Variants in PCNX1 observed in about 807,000 individuals in gnomAD.
The protein encoded by PCNX1 is pecanex-like protein 1.
A neutral mutation model predicts 242.2 loss-of-function variants in PCNX1; 78 were observed. The ratio of observed to expected loss-of-function variants is 0.32; its 90% CI spans 0.27 to 0.39. The LOEUF (loss-of-function observed/expected upper bound fraction) is 0.39. Ranked by LOEUF, PCNX1 falls within the 10% of genes least tolerant of loss-of-function variation. The pLI, the probability that PCNX1 is intolerant of heterozygous loss-of-function variation, is 1.00. For synonymous variants in PCNX1, 1,024 were observed against 1,032.9 expected (o/e 0.99, Z 0.17); for missense variants, 2,581 against 2,856.5 (o/e 0.90, Z 2.20).
chr14:70,995,635 G>GA (rs113017622), intron 7 of PCNX1, 106 bp from the exon 8 acceptor site: 18 of 928,176 alleles, frequency 1.9e-5, no homozygotes, highest in African/African-American at 1.5e-4. Flanking sequence ...AGGTTATGTT[G>GA]AAAAAAAGTG....
intron 11 of PCNX1, among the ~76,000 whole-genome samples, chr14:71,018,530 G>C (rs2060016230): frequency 6.6e-6 from 1 of 152,144 alleles, no homozygotes; most frequent in African/African-American, 2.4e-5. Context: ...AGATGACTGA[G>C]AGATGGGGGA....
chr14:70,944,271 C>T (rs1284536955), intron 1 of PCNX1, among the ~76,000 whole-genome samples: 1 of 152,210 alleles, frequency 6.6e-6, no homozygotes, highest in African/African-American at 2.4e-5. Context: ...CCTGCAAAGC[C>T]ACAGGGATGG....
chr14:70,907,939 T>A lies in PCNX1; in HGVS notation c.89T>A (p.Phe30Tyr). ...GWYYDPHQAT[F>Y]VNALHLYLWL... is the part of the protein sequence containing the mutation. ...TACTACGACCCGCACCAGGCCACCT[T>A]CGTGAACGCGCTGCACCTCTACCTG... Residue 30 changes from phenylalanine to tyrosine, a missense_variant, in exon 1 of 36, where the codon TTC becomes TAC. Physicochemically the swap from Phe to Tyr is conservative, Grantham distance 22. This residue lies in a region of PCNX1 where 1,204 missense variants were observed against 1,216.7 expected (regional missense o/e 0.99). Coordinates refer to ENST00000304743, the MANE Select transcript of PCNX1 (RefSeq NM_014982.3). 1.9e-6 allele frequency: 3 copies of A among 1,597,164 alleles called. No individual in the cohort carries two copies. The highest frequency in any genetic ancestry group is 2.6e-6 in the Non-Finnish European group (3 of 1,173,278).
intron 1 of PCNX1, among the ~76,000 whole-genome samples, chr14:70,928,820 C>G (rs1330081539): frequency 1.3e-5 from 2 of 152,192 alleles, no homozygotes; most frequent in African/African-American, 4.8e-5. Flanking sequence ...AATATGCATA[C>G]ATACCTCTAC....
chr14:71,035,928 TC>T (rs2060518217), intron 18 of PCNX1, 136 bp from the exon 19 acceptor site: 1 of 576,684 alleles, frequency 1.7e-6, no homozygotes, highest in African/African-American at 1.9e-5. Flanking sequence ...AATGAAAACT[TC>T]TTTTTTTTTT....
At chr14:71,003,111 C>A (rs1203594746) in intron 8 of PCNX1, among the ~76,000 whole-genome samples, 2 of 88,718 alleles carry the variant, frequency 2.3e-5, no homozygotes, top group Non-Finnish European at 1.9e-5. Flanking sequence ...GAGACAGAGT[C>A]TCACTCTTGT....
Position 70,978,554 on chromosome 14 carries a change from G to A in PCNX1, c.2217G>A (p.Arg739=), listed in dbSNP as rs962023973. The stretch of plus-strand genomic sequence containing the variant: ...TAGATGAGCTATCTTTATTAGGACG[G>A]GCTTCCCAGTTAGAGACAGTCACTC... ...EVLDELSLLG[R]ASQLETVTRS... The change falls in exon 6 of 36, where the codon CGG becomes CGA. Residue 739 remains arginine (R), a synonymous_variant. Coordinates refer to ENST00000304743, the MANE Select transcript of PCNX1 (RefSeq NM_014982.3). 3 of 1,614,066 alleles carry A rather than the reference G, an allele frequency of 1.9e-6. No individual in the cohort carries two copies. The highest frequency in any genetic ancestry group is 1.7e-6 in the Non-Finnish European group (2 of 1,179,984).
chr14:71,022,784 ATTG>A lies in PCNX1; in HGVS notation c.3151-410_3151-408del, dbSNP rs2060139100. Among the ~76,000 whole-genome samples, 3 of 152,132 alleles carry A rather than the reference ATTG, an allele frequency of 2.0e-5. 1 individual carries two copies. In the South Asian group the frequency reaches 6.2e-4, roughly 31 times the overall value. ...CTTGGAATTTATGGGCAGAACTAGA[ATTG>A]TTGTTATAAGTGAACCCCTATTATT... On this transcript the variant is annotated intron_variant, in intron 12 of 35. Coordinates refer to ENST00000304743, the MANE Select transcript of PCNX1 (RefSeq NM_014982.3).
chr14:70,964,914 C>T (rs2058331733), intron 3 of PCNX1, among the ~76,000 whole-genome samples: 1 of 152,138 alleles, frequency 6.6e-6, no homozygotes, highest in Admixed American at 6.5e-5. Context: ...ATTATTCTTA[C>T]ACTTTAGAGA....
rs778896680 is a variant in PCNX1 at position 70,977,178 on chromosome 14, C to T, written c.841C>T (p.Arg281Ter). Reference sequence around the variant, plus strand: ...CTCTTATAGAAAAGACCACCGGCCGCGAGGTGTACCACGGACTTCTAGCTC... The same window carrying T: ...CTCTTATAGAAAAGACCACCGGCCGTGAGGTGTACCACGGACTTCTAGCTC... Reference protein sequence around the residue: ...SHSYRKDHRPRGVPRTSSSAV... With the variant: ...SHSYRKDHRP Residue 281 changes from arginine to a stop codon, truncating the protein, a stop_gained, in exon 6 of 36, where the codon CGA becomes TGA. Coordinates refer to ENST00000304743, the MANE Select transcript of PCNX1 (RefSeq NM_014982.3). LOFTEE classifies it high-confidence loss of function. The T allele has an allele frequency of 1.9e-6, 3 of 1,614,156 alleles. No individual in the cohort carries two copies. The highest frequency in any genetic ancestry group is 1.1e-5 in the South Asian group (1 of 91,076).
intron 10 of PCNX1, 84 bp downstream of exon 10, chr14:71,011,633 A>G (rs2059823591): frequency 7.2e-6 from 6 of 832,866 alleles, no homozygotes; most frequent in African/African-American, 1.7e-5. Context: ...TATAAAAGCC[A>G]TAAAAATTGA....
chr14:71,037,755 C>T (rs2060583891), intron 19 of PCNX1, among the ~76,000 whole-genome samples: 1 of 151,302 alleles, frequency 6.6e-6, no homozygotes, highest in Non-Finnish European at 1.5e-5. Flanking sequence ...AAAAAGAGCC[C>T]GCATCGCCAA....
rs2058722549 is a variant in PCNX1 at position 70,977,591 on chromosome 14, G to A, written c.1254G>A (p.Glu418=). 4.3e-6 allele frequency: 7 copies of A among 1,614,042 alleles called. No individual in the cohort carries two copies. Among genetic ancestry groups the A allele is most frequent in the Non-Finnish European group, 5.9e-6 (7 of 1,180,046 alleles). Residue 418 remains glutamate (E), a synonymous_variant, in exon 6 of 36, where the codon GAG becomes GAA. Transcript: ENST00000304743. ...TAGAGAGCATCCTGTCAGAGCATGA[G>A]GAGTCTCCTAAAGCAGGAACAAAAA... ...THIESILSEH[E]ESPKAGTKSG...
chr14:70,921,910 C>G (rs2056392501), intron 1 of PCNX1, among the ~76,000 whole-genome samples: 1 of 152,072 alleles, frequency 6.6e-6, no homozygotes. Context: ...TTTAATTTGT[C>G]TATTGGTACA....
At chr14:70,985,659 ACTT>A (rs1459530640) in intron 6 of PCNX1, among the ~76,000 whole-genome samples, 2 of 152,232 alleles carry the variant, frequency 1.3e-5, no homozygotes, top group African/African-American at 4.8e-5. Flanking sequence ...AGTATTTTAT[ACTT>A]CTTGTCATTC....
intron 1 of PCNX1, among the ~76,000 whole-genome samples, chr14:70,936,487 T>TTG (rs879134691): frequency 2.0e-5 from 3 of 152,216 alleles, no homozygotes; most frequent in Non-Finnish European, 4.4e-5. Context: ...TACATAGTAT[T>TTG]CCATGGTGTA....
chr14:71,045,346 T>C (rs2141099728), intron 20 of PCNX1, 63 bp downstream of exon 20: 1 of 1,156,698 alleles, frequency 8.6e-7, no homozygotes, highest in East Asian at 2.4e-5. Flanking sequence ...GCTATATTGA[T>C]AGATGACTGA....
At chr14:71,086,145 G>A (rs911119775) in intron 28 of PCNX1, among the ~76,000 whole-genome samples, 115 of 152,264 alleles carry the variant, frequency 7.6e-4, no homozygotes, top group East Asian at 5.8e-4. Flanking sequence ...TTCATTTTGT[G>A]TCTCTAGAAG....
At chr14:71,036,221 C>A (rs1020794707) in intron 19 of PCNX1, 64 bp downstream of exon 19, 1 of 1,033,016 alleles carries the variant, frequency 9.7e-7, no homozygotes, top group South Asian at 1.3e-5. Flanking sequence ...CTCTGTCACC[C>A]AGGCTGGAGT....
Sources: gnomAD v4.1 joint callset for allele counts (sites outside exome capture counted in the v4.1 genomes callset) on GRCh38, gnomAD v4.1.1 for gene constraint, gnomAD v4.1.1 regional missense constraint, MANE v1.5 for transcripts, NCBI Gene and HGNC (gene_info 2026-07-23, HGNC 2026-07-21) for gene names.